Variants in NET1 observed in about 807,000 individuals in gnomAD.
NET1 encodes the protein neuroepithelial cell-transforming gene 1 protein.
NET1 carries 42 observed loss-of-function variants against 61.1 expected under a neutral mutation model. That is an observed-to-expected ratio of 0.69 (90% CI 0.54 to 0.89). The LOEUF (loss-of-function observed/expected upper bound fraction) is 0.89, where lower values mean the gene tolerates loss of function less well. Among genes scored for constraint, NET1 ranks in the 40% least tolerant of loss-of-function variants. The pLI is 0.00. For missense variants in NET1, 654 were observed against 747.3 expected, an observed-to-expected ratio of 0.88 and a Z score of 1.46; for synonymous variants, 254 against 281.8, an observed-to-expected ratio of 0.90 and a Z score of 0.99.
At position 5,455,169 on chromosome 10, in the gene NET1, A is replaced by C; in HGVS notation, c.1197+51A>C. ...GAGCAGCCTTCCCTCCTGCCTCTTT[A>C]ACTTTTACACGTTTGTTATGAAGCA... On this transcript the variant is annotated intron_variant, in intron 10 of 11. Transcript: ENST00000355029. This position sits in a 1 kb window ranked among gnomAD's most constrained non-coding sequence, Gnocchi z 6.5. The C allele has an allele frequency of 6.4e-7, 1 of 1,564,460 alleles. No homozygotes were observed. The highest frequency in any genetic ancestry group is 8.8e-7 in the Non-Finnish European group (1 of 1,137,944).
At position 5,443,518 on chromosome 10, in the gene NET1, A is replaced by G. The variant is rs1017456916; in HGVS notation, c.256-8312A>G. On this transcript the variant is annotated intron_variant, in intron 3 of 11. Coordinates refer to ENST00000355029, the MANE Select transcript of NET1 (RefSeq NM_001047160.3). This position sits in a 1 kb window ranked among gnomAD's most constrained non-coding sequence, Gnocchi z 4.8. ...GAAGAGGATGGGTGAATGATCTCAG[A>G]GGGCCTGTTTAGTCCTCTGGTTTTA... 6.6e-6 allele frequency among the ~76,000 whole-genome samples: 1 copy of G among 152,174 alleles called. No individual in the cohort carries two copies. Among genetic ancestry groups the G allele is most frequent in the African/African-American group, 2.4e-5 (1 of 41,452 alleles).
In NET1 at chr10:5,446,899, C is replaced by G. The variant is rs1323185313; in HGVS notation, c.256-4931C>G. 3.9e-6 allele frequency: 6 copies of G among 1,542,662 alleles called. No individual in the cohort carries two copies. In the East Asian group the frequency reaches 1.1e-4, roughly 29 times the overall value. On this transcript the variant is annotated intron_variant, in intron 3 of 11. Transcript: ENST00000355029. The surrounding 1 kb of genome is among the most constrained non-coding windows in gnomAD (Gnocchi z 5.0). ...AAACGTTAGGCAAAAGGAATGTTTT[C>G]TAACTCCACGGAGCTTTTAAAATTT...
rs1832421316 is a variant in NET1 at position 5,435,869 on chromosome 10, G to T, written c.255+6640G>T. 1.3e-5 allele frequency among the ~76,000 whole-genome samples: 2 copies of T among 151,940 alleles called. No individual in the cohort carries two copies. The highest frequency in any genetic ancestry group is 4.8e-5 in the African/African-American group (2 of 41,364). On this transcript the variant is annotated intron_variant, in intron 3 of 11. Coordinates refer to ENST00000355029, the MANE Select transcript of NET1 (RefSeq NM_001047160.3). This position sits in a 1 kb window ranked among gnomAD's most constrained non-coding sequence, Gnocchi z 5.0. ...TATATACAATTATTCATTTTTAAAA[G>T]AACACAGTATTAGTTTTCCAAATGT...
At position 5,446,876 on chromosome 10, in the gene NET1, A is replaced by G; in HGVS notation, c.256-4954A>G. The G allele has an allele frequency of 8.8e-6, 14 of 1,587,952 alleles. No homozygotes were observed. The highest frequency in any genetic ancestry group is 1.2e-5 in the Non-Finnish European group (14 of 1,163,874). ...AACAAGAGGTAAGACTTTAAGAGAA[A>G]CGTTAGGCAAAAGGAATGTTTTCTA... On this transcript the variant is annotated intron_variant, in intron 3 of 11. Coordinates refer to ENST00000355029, the MANE Select transcript of NET1 (RefSeq NM_001047160.3). The surrounding 1 kb of genome is among the most constrained non-coding windows in gnomAD (Gnocchi z 5.0).
rs1278241279 is a variant in NET1 at position 5,449,341 on chromosome 10, G to A, written c.256-2489G>A. Among the ~76,000 whole-genome samples, 3 of 152,086 alleles carry A rather than the reference G, an allele frequency of 2.0e-5. No homozygotes were observed. The highest frequency in any genetic ancestry group is 4.1e-4 in the South Asian group (2 of 4,828). On this transcript the variant is annotated intron_variant, in intron 3 of 11. Coordinates refer to ENST00000355029, the MANE Select transcript of NET1 (RefSeq NM_001047160.3). The surrounding 1 kb of genome is among the most constrained non-coding windows in gnomAD (Gnocchi z 4.4). The stretch of plus-strand genomic sequence containing the variant: ...ATCATCCCCAAAAGCATGTGAAAAA[G>A]TGCAAAGTGCCCTCCTCCTTTCTCT...
Position 5,452,743 on chromosome 10 carries a change from C to A in NET1, c.532-115C>A. 9.6e-7 allele frequency: 1 copy of A among 1,038,966 alleles called. No individual in the cohort carries two copies. The highest frequency in any genetic ancestry group is 1.4e-6 in the Non-Finnish European group (1 of 702,614). The allele number at this position is 1,038,966 out of a possible 1,614,324, so 64.4% of individuals were successfully genotyped here. Reference sequence around the variant, plus strand: ...AGATTCCATTCTGAATTACAATTTTCAGACTGAGTTACTTTTTAAAATGCC... The same window carrying A: ...AGATTCCATTCTGAATTACAATTTTAAGACTGAGTTACTTTTTAAAATGCC... On this transcript the variant is annotated intron_variant, in intron 5 of 11. Transcript: ENST00000355029. The surrounding 1 kb of genome is among the most constrained non-coding windows in gnomAD (Gnocchi z 4.0).
At position 5,452,888 on chromosome 10, in the gene NET1, G is replaced by A. The variant is rs1404266358; in HGVS notation, c.562G>A (p.Asp188Asn). The A allele has an allele frequency of 3.7e-6, 6 of 1,613,636 alleles. No individual in the cohort carries two copies. Among genetic ancestry groups the A allele is most frequent in the Middle Eastern group, 3.3e-4 (2 of 6,060 alleles). ...AIYEMSRGEQ[D>N]LIEDLKLARK... is the part of the protein sequence containing the mutation. ...ATATGAAATGTCCCGAGGTGAACAGGATTTAATTGAGGATCTCAAACTTGC... is the reference window on the plus strand; with the variant it reads ...ATATGAAATGTCCCGAGGTGAACAGAATTTAATTGAGGATCTCAAACTTGC... Residue 188 changes from aspartate to asparagine, a missense_variant, in exon 6 of 12, where the codon GAT (aspartate) becomes AAT (asparagine). Coordinates refer to ENST00000355029, the MANE Select transcript of NET1 (RefSeq NM_001047160.3). This position sits in a 1 kb window ranked among gnomAD's most constrained non-coding sequence, Gnocchi z 4.0.
chr10:5,428,751 C>G (rs1304575031), intron 2 of NET1, among the ~76,000 whole-genome samples: 1 of 147,078 alleles, frequency 6.8e-6, no homozygotes. Context: ...GAGAGGAAAT[C>G]TTGCTCTGTC....
In NET1 at chr10:5,431,804, A is replaced by T. The variant is rs10904500; in HGVS notation, c.255+2575A>T. On this transcript the variant is annotated intron_variant, in intron 3 of 11. Transcript: ENST00000355029. This position sits in a 1 kb window ranked among gnomAD's most constrained non-coding sequence, Gnocchi z 4.9. ...TTTGTAGAAAAGACAGGGTCTCACT[A>T]TGTTGGCCAGGAAGGCCTCAAATTC... Among the ~76,000 whole-genome samples, 3 of 151,908 alleles carry T rather than the reference A, an allele frequency of 2.0e-5. No individual in the cohort carries two copies. The highest frequency in any genetic ancestry group is 7.3e-5 in the African/African-American group (3 of 41,336).
In NET1 at chr10:5,412,600, G is replaced by A; in HGVS notation, c.-93G>A. On this transcript the variant is annotated 5_prime_UTR_variant, in exon 1 of 12. Transcript: ENST00000355029. The surrounding 1 kb of genome is among the most constrained non-coding windows in gnomAD (Gnocchi z 6.5). ...GGTGGCGGCTGCAGTCCGCTGACAG[G>A]CGCTTTCTGCCTGGCAGAGGCTGGC... 1 of 1,343,556 alleles carries A rather than the reference G, an allele frequency of 7.4e-7. No individual in the cohort carries two copies. The highest frequency in any genetic ancestry group is 3.9e-5 in the Admixed American group (1 of 25,678). 83.2% of individuals were successfully genotyped at this position (1,343,556 alleles called of 1,614,324 possible). A position where few individuals can be genotyped will look rare whatever the true frequency, so the allele number is the denominator to read the frequency against.
At chr10:5,445,694 G>A (rs1280858552) in intron 3 of NET1, among the ~76,000 whole-genome samples, 4 of 152,172 alleles carry the variant, frequency 2.6e-5, no homozygotes, top group Non-Finnish European at 4.4e-5. Context: ...GTTCCATAGA[G>A]GAAAAGACTT....
rs1297938266 is a variant in NET1, at chr10:5,424,283, T to C, written c.129-2372T>C. On this transcript the variant is annotated intron_variant, in intron 1 of 11. Transcript: ENST00000355029. The surrounding 1 kb of genome is among the most constrained non-coding windows in gnomAD (Gnocchi z 6.1). ...TGTTTTTTCTTAAGCCAGTGCCCAC[T>C]GATGGCTCCTGCTAACCATGTAGCA... Among the ~76,000 whole-genome samples the C allele has an allele frequency of 6.6e-6, 1 of 152,236 alleles. No homozygotes were observed. The highest frequency in any genetic ancestry group is 2.4e-5 in the African/African-American group (1 of 41,458).
At chr10:5,430,156 A>C (rs1832325487) in intron 3 of NET1, among the ~76,000 whole-genome samples, 1 of 152,212 alleles carries the variant, frequency 6.6e-6, no homozygotes. Context: ...TATTCAAAAA[A>C]AGAAAAAAGT....
chr10:5,451,672 T>C lies in NET1; in HGVS notation c.256-158T>C, dbSNP rs1333351798. ...AAAAGTTACTGCTACTCAATAGAGTTCTTATTGTTTTGACAATGAAGAACA... is the reference window on the plus strand; with the variant it reads ...AAAAGTTACTGCTACTCAATAGAGTCCTTATTGTTTTGACAATGAAGAACA... On this transcript the variant is annotated intron_variant, in intron 3 of 11. Transcript: ENST00000355029. The surrounding 1 kb of genome is among the most constrained non-coding windows in gnomAD (Gnocchi z 6.1). Among the ~76,000 whole-genome samples, 2 of 152,222 alleles carry C rather than the reference T, an allele frequency of 1.3e-5. No homozygotes were observed. The highest frequency in any genetic ancestry group is 2.9e-5 in the Non-Finnish European group (2 of 68,032).
In NET1 at chr10:5,455,097, G is replaced by A. The variant is rs1292806655; in HGVS notation, c.1176G>A (p.Glu392=). The stretch of plus-strand genomic sequence containing the variant: ...GCAAAGTGCTGCTGTGCCATGGGGA[G>A]CTGCGGAGCAAGAGTGGACATGTAG... The part of the protein sequence containing the change: ...EASKVLLCHG[E]LRSKSGHKLY... Residue 392 remains glutamate, a synonymous_variant, in exon 10 of 12, where the codon GAG becomes GAA. Coordinates refer to ENST00000355029, the MANE Select transcript of NET1 (RefSeq NM_001047160.3). This position sits in a 1 kb window ranked among gnomAD's most constrained non-coding sequence, Gnocchi z 6.5. The A allele has an allele frequency of 1.9e-6, 3 of 1,613,648 alleles. No homozygotes were observed. The highest frequency in any genetic ancestry group is 1.7e-6 in the Non-Finnish European group (2 of 1,180,012).
rs1832614642 is a variant in NET1, at chr10:5,446,627, G to A, written c.256-5203G>A. 7.9e-7 allele frequency: 1 copy of A among 1,266,960 alleles called. No homozygotes were observed. The allele number at this position is 1,266,960 out of a possible 1,614,324, so 78.5% of individuals were successfully genotyped here. ...GGCTCTCAGAAGCCTCTGCTCCACC[G>A]CGGCGAGAGGCATGGGCACGTGGCT... On this transcript the variant is annotated intron_variant, in intron 3 of 11. Transcript: ENST00000355029. The surrounding 1 kb of genome is among the most constrained non-coding windows in gnomAD (Gnocchi z 5.0).
chr10:5,456,310 A>G lies in NET1; in HGVS notation c.1384+37A>G. 1 of 1,523,404 alleles carries G rather than the reference A, an allele frequency of 6.6e-7. No homozygotes were observed. Among genetic ancestry groups the G allele is most frequent in the Non-Finnish European group, 8.8e-7 (1 of 1,131,226 alleles). The allele number at this position is 1,523,404 out of a possible 1,614,324, so 94.4% of individuals were successfully genotyped here. A position where few individuals can be genotyped will look rare whatever the true frequency, so the allele number is the denominator to read the frequency against. ...GCCTTCAATAATTTAAAGAAATAGA[A>G]GCTCAGAACTGAAGTGAATTTAGTT... On this transcript the variant is annotated intron_variant, in intron 11 of 11. Coordinates refer to ENST00000355029, the MANE Select transcript of NET1 (RefSeq NM_001047160.3). The surrounding 1 kb of genome is among the most constrained non-coding windows in gnomAD (Gnocchi z 7.0).
chr10:5,435,734 T>G lies in NET1; in HGVS notation c.255+6505T>G, dbSNP rs1588431058. Reference sequence around the variant, plus strand: ...TTTAATTCTGATGTCAATTGAATTTTCATGTTATGGATCATTAGCTATTTT... The same window carrying G: ...TTTAATTCTGATGTCAATTGAATTTGCATGTTATGGATCATTAGCTATTTT... On this transcript the variant is annotated intron_variant, in intron 3 of 11. Coordinates refer to ENST00000355029, the MANE Select transcript of NET1 (RefSeq NM_001047160.3). The surrounding 1 kb of genome is among the most constrained non-coding windows in gnomAD (Gnocchi z 5.0). 6.6e-6 allele frequency among the ~76,000 whole-genome samples: 1 copy of G among 152,224 alleles called. No homozygotes were observed. The highest frequency in any genetic ancestry group is 1.9e-4 in the East Asian group (1 of 5,200).
intron 1 of NET1, among the ~76,000 whole-genome samples, chr10:5,419,429 T>G (rs561453696): frequency 6.6e-6 from 1 of 152,322 alleles, no homozygotes; most frequent in South Asian, 2.1e-4. Context: ...ATAGTTGGAT[T>G]TATGTCTGCC....
Sources: gnomAD v4.1 joint callset for allele counts (sites outside exome capture counted in the v4.1 genomes callset) on GRCh38, gnomAD v4.1.1 for gene constraint, Gnocchi (gnomAD v3.1) non-coding constraint, MANE v1.5 for transcripts, NCBI Gene and HGNC (gene_info 2026-07-23, HGNC 2026-07-21) for gene names.